Variants in DGKD observed in about 807,000 individuals in gnomAD.
The protein encoded by DGKD is DAG kinase delta.
A neutral mutation model predicts 154.4 loss-of-function variants in DGKD; 68 were observed. That is an observed-to-expected ratio of 0.44 (90% confidence interval 0.36 to 0.54). The LOEUF (loss-of-function observed/expected upper bound fraction) is 0.54. Ranked by LOEUF, DGKD falls within the 20% of genes least tolerant of loss-of-function variation. DGKD has a pLI of 0.00. For missense variants in DGKD, 1,343 were observed against 1,593.6 expected (o/e 0.84, Z 2.68); for synonymous variants, 693 against 638.0 (o/e 1.09, Z -1.30).
At chr2:233,424,809 G>A (rs1008206314) in intron 3 of DGKD, among the ~76,000 whole-genome samples, 2 of 152,186 alleles carry the variant, frequency 1.3e-5, no homozygotes, top group East Asian at 1.9e-4. Flanking sequence ...GTGGATTGCC[G>A]AGACCTTCTT....
chr2:233,371,838 A>C (rs1247505549), intron 1 of DGKD, among the ~76,000 whole-genome samples: 7 of 152,200 alleles, frequency 4.6e-5, no homozygotes, highest in Non-Finnish European at 7.3e-5. Context: ...ACAGCCCTGC[A>C]GTATTGAAAA....
At chr2:233,366,102 G>A (rs1702015653) in intron 1 of DGKD, among the ~76,000 whole-genome samples, 2 of 152,222 alleles carry the variant, frequency 1.3e-5, no homozygotes, top group Non-Finnish European at 2.9e-5. Flanking sequence ...AGGCTGTGGT[G>A]GTTAGGGCTG....
intron 1 of DGKD, chr2:233,386,062 A>G: frequency 8.7e-6 from 4 of 458,558 alleles, no homozygotes; most frequent in Non-Finnish European, 1.8e-5. Flanking sequence ...TCTTTTATGT[A>G]TGAGATGTGT....
chr2:233,464,763 G>A (rs549597079), intron 27 of DGKD, among the ~76,000 whole-genome samples: 40 of 152,326 alleles, frequency 2.6e-4, no homozygotes, highest in African/African-American at 8.9e-4. Context: ...AGGGCATAGC[G>A]GACCCTGGGG....
chr2:233,439,634 T>C (rs578194203), intron 9 of DGKD, among the ~76,000 whole-genome samples: 2 of 152,332 alleles, frequency 1.3e-5, no homozygotes, highest in East Asian at 3.9e-4. Context: ...CAATCCTGGC[T>C]CACAGCAGCC....
intron 19 of DGKD, 113 bp downstream of exon 19, chr2:233,454,986 C>CG (rs1282318985): frequency 7.7e-6 from 5 of 650,514 alleles, no homozygotes; most frequent in East Asian, 5.7e-5. Context: ...AATGCTAAGG[C>CG]GGGGGGCAGA....
chr2:233,432,264 G>A (rs749727992), intron 3 of DGKD, among the ~76,000 whole-genome samples: 3 of 102,576 alleles, frequency 2.9e-5, no homozygotes, highest in Non-Finnish European at 4.6e-5. Flanking sequence ...GGTTGCTCAC[G>A]CCTGTAATCC....
chr2:233,437,231 C>G, intron 7 of DGKD, 146 bp from the exon 8 acceptor site: 1 of 709,008 alleles, frequency 1.4e-6, no homozygotes, highest in Non-Finnish European at 2.5e-6. Flanking sequence ...GCAGGCCGGC[C>G]CAGGGCCCCT....
At position 233,354,520 on chromosome 2, in the gene DGKD, T is replaced by TGGC. The variant is rs1227280074; in HGVS notation, c.14_16dup (p.Ala5dup). ...CGGTGCGCGCGCTGGCCCGGCAGCA[T>TGGC]GGCGGCGGCGGCGGGCGCCCCTCCG... On this transcript the variant is annotated inframe_insertion, in exon 1 of 30. Coordinates refer to ENST00000264057, the MANE Select transcript of DGKD (RefSeq NM_152879.3). The surrounding 1 kb of genome is among the most constrained non-coding windows in gnomAD (Gnocchi z 4.8). 118 of 982,834 alleles carry TGGC rather than the reference T, an allele frequency of 1.2e-4. No homozygotes were observed. The highest frequency in any genetic ancestry group is 2.6e-4 in the South Asian group (6 of 22,934). 60.9% of individuals were successfully genotyped at this position (982,834 alleles called of 1,614,324 possible).
At chr2:233,431,556 A>C (rs935268987) in intron 3 of DGKD, among the ~76,000 whole-genome samples, 1 of 152,220 alleles carries the variant, frequency 6.6e-6, no homozygotes, top group African/African-American at 2.4e-5. Context: ...GAGGAATCAC[A>C]TTTTCTGACT....
chr2:233,416,680 C>T (rs1037763260), intron 3 of DGKD, among the ~76,000 whole-genome samples: 2 of 152,166 alleles, frequency 1.3e-5, no homozygotes, highest in African/African-American at 4.8e-5. Flanking sequence ...CAAAGCATTC[C>T]CGTTTCTCTC....
intron 1 of DGKD, among the ~76,000 whole-genome samples, chr2:233,379,534 C>T (rs1485310867): frequency 6.6e-6 from 1 of 152,108 alleles, no homozygotes; most frequent in Non-Finnish European, 1.5e-5. Flanking sequence ...CACTGTGGCT[C>T]CCTGCCCCCT....
Position 233,459,051 on chromosome 2 carries a change from G to A in DGKD, c.2694+654G>A, listed in dbSNP as rs529741643. 5.3e-5 allele frequency among the ~76,000 whole-genome samples: 8 copies of A among 152,376 alleles called. No homozygotes were observed. In the South Asian group the frequency reaches 1.7e-3, roughly 32 times the overall value. ...GGAGCCCATGGCTCTGATGTGGGGT[G>A]TGGGAGGATTTCCAGCTGGGGCCCT... is the stretch of plus-strand genomic sequence containing the variant. On this transcript the variant is annotated intron_variant, in intron 22 of 29. Transcript: ENST00000264057. This position sits in a 1 kb window ranked among gnomAD's most constrained non-coding sequence, Gnocchi z 5.7.
At chr2:233,408,345 A>G (rs1312068711) in intron 3 of DGKD, among the ~76,000 whole-genome samples, 2 of 152,244 alleles carry the variant, frequency 1.3e-5, no homozygotes, top group Non-Finnish European at 2.9e-5. Flanking sequence ...GAGAAACTGT[A>G]TATAATTGGC....
chr2:233,413,687 G>C (rs576672643), intron 3 of DGKD, among the ~76,000 whole-genome samples: 2 of 152,290 alleles, frequency 1.3e-5, no homozygotes, highest in African/African-American at 4.8e-5. Context: ...CCGTCCACAT[G>C]GGACCGTGTC....
chr2:233,390,160 A>G (rs1703498563), intron 2 of DGKD, among the ~76,000 whole-genome samples: 1 of 152,202 alleles, frequency 6.6e-6, no homozygotes, highest in African/African-American at 2.4e-5. Context: ...TAATGCAATG[A>G]CAATGTTTGT....
chr2:233,389,777 G>A (rs1284099150), intron 2 of DGKD, among the ~76,000 whole-genome samples: 1 of 152,176 alleles, frequency 6.6e-6, no homozygotes, highest in East Asian at 1.9e-4. Flanking sequence ...ACCCTGTAGG[G>A]AGTGGAGAGG....
rs1471720951 is a variant in DGKD, at chr2:233,457,621, A to G, written c.2580+293A>G. ...AAGGTGTCTGGGAGGCCAAGACCTG[A>G]AGGATGAGTTGGAGTTGGCTAAGTT... On this transcript the variant is annotated intron_variant, in intron 21 of 29. Coordinates refer to ENST00000264057, the MANE Select transcript of DGKD (RefSeq NM_152879.3). The surrounding 1 kb of genome is among the most constrained non-coding windows in gnomAD (Gnocchi z 5.5). 4.8e-5 allele frequency: 26 copies of G among 541,676 alleles called. No individual in the cohort carries two copies. The Admixed American group carries it at 5.8e-4, about 12-fold the overall frequency. 33.6% of individuals were successfully genotyped at this position (541,676 alleles called of 1,614,324 possible).
In DGKD at chr2:233,371,424, A is replaced by G. The variant is rs567479917; in HGVS notation, c.156+16750A>G. 5.9e-5 allele frequency among the ~76,000 whole-genome samples: 9 copies of G among 152,134 alleles called. No homozygotes were observed. The South Asian group carries it at 1.7e-3, about 28-fold the overall frequency. ...TGTTGTTGAATTGTAAGAGTTTTTT[A>G]TATATTTTGGGTACTAGAACTTTAT... On this transcript the variant is annotated intron_variant, in intron 1 of 29. Coordinates refer to ENST00000264057, the MANE Select transcript of DGKD (RefSeq NM_152879.3).
Sources: allele counts gnomAD v4.1 joint callset (sites outside exome capture counted in the v4.1 genomes callset), GRCh38; gene constraint gnomAD v4.1.1; non-coding constraint Gnocchi (gnomAD v3.1); transcripts MANE v1.5; gene names NCBI Gene and HGNC (gene_info 2026-07-23, HGNC 2026-07-21).